The following RPS6KB1 variants were observed in gnomAD, a reference collection of about 807,000 sequenced individuals.
RPS6KB1 encodes ribosomal protein S6 kinase beta-1.
A neutral mutation model predicts 70.2 loss-of-function variants in RPS6KB1; 12 were observed. The ratio of observed to expected loss-of-function variants is 0.17; its 90% CI spans 0.11 to 0.28. The LOEUF (loss-of-function observed/expected upper bound fraction) is 0.28, where lower values mean the gene tolerates loss of function less well. RPS6KB1 is among the 10% of genes least tolerant of loss of function. RPS6KB1 has a pLI of 1.00. For missense variants in RPS6KB1, 270 were observed against 646.6 expected, an observed-to-expected ratio of 0.42 and a Z score of 6.32; for synonymous variants, 175 against 211.2, an observed-to-expected ratio of 0.83 and a Z score of 1.49.
Position 59,931,637 on chromosome 17 carries a change from A to G in RPS6KB1, c.603A>G (p.Glu201=). The change falls in exon 7 of 15, where the codon GAA becomes GAG. Residue 201 remains glutamate, a synonymous_variant. Coordinates refer to ENST00000225577, the MANE Select transcript of RPS6KB1 (RefSeq NM_003161.4). Reference sequence around the variant, plus strand: ...TTGTTTCCAGCTTTTACTTGGCAGAAATCTCCATGGCTTTGGGGCATTTAC... The same window carrying G: ...TTGTTTCCAGCTTTTACTTGGCAGAGATCTCCATGGCTTTGGGGCATTTAC... ...MEDTACFYLA[E]ISMALGHLHQ... 2 of 1,612,590 alleles carry G rather than the reference A, an allele frequency of 1.2e-6. No homozygotes were observed. The highest frequency in any genetic ancestry group is 1.7e-6 in the Non-Finnish European group (2 of 1,178,738).
chr17:59,935,095 C>G, intron 9 of RPS6KB1, 98 bp from the exon 10 acceptor site: 2 of 679,188 alleles, frequency 2.9e-6, no homozygotes, highest in South Asian at 3.9e-5. Flanking sequence ...CCATGTATAA[C>G]TAATTTAGGA....
At chr17:59,938,143 T>G (rs1475499089) in intron 12 of RPS6KB1, among the ~76,000 whole-genome samples, 1 of 151,024 alleles carries the variant, frequency 6.6e-6, no homozygotes, top group Non-Finnish European at 1.5e-5. Flanking sequence ...TAGTTGTTTT[T>G]TTTTTTTTTT....
chr17:59,914,721 T>A lies in RPS6KB1; in HGVS notation c.381+18T>A. On this transcript the variant is annotated intron_variant, in intron 4 of 14. Coordinates refer to ENST00000225577, the MANE Select transcript of RPS6KB1 (RefSeq NM_003161.4). ...TTAAAAAGGTGATTTCCACTCCCCC[T>A]TTTTAGTCCTCACACACCATATTTT... 6.5e-7 allele frequency: 1 copy of A among 1,547,678 alleles called. No homozygotes were observed. Among genetic ancestry groups the A allele is most frequent in the East Asian group, 2.3e-5 (1 of 44,420 alleles).
At chr17:59,925,452 A>G (rs1024616852) in intron 4 of RPS6KB1, among the ~76,000 whole-genome samples, 22 of 152,274 alleles carry the variant, frequency 1.4e-4, no homozygotes, top group South Asian at 4.2e-4. Context: ...TTCTTCTCAT[A>G]ACTAGTTTGT....
At chr17:59,939,125 A>G (rs957568548) in intron 12 of RPS6KB1, among the ~76,000 whole-genome samples, 8 of 152,060 alleles carry the variant, frequency 5.3e-5, no homozygotes. Flanking sequence ...ATTCTTTCCT[A>G]GTTTTCAAAA....
chr17:59,915,773 A>ATGTTTTT (rs1157185738), intron 4 of RPS6KB1, among the ~76,000 whole-genome samples: 1 of 86,220 alleles, frequency 1.2e-5, no homozygotes, highest in African/African-American at 6.7e-5. Context: ...GCCTACTGCT[A>ATGTTTTT]TCTTTTTTTT....
At chr17:59,922,362 C>A (rs2043316325) in intron 4 of RPS6KB1, among the ~76,000 whole-genome samples, 1 of 151,678 alleles carries the variant, frequency 6.6e-6, no homozygotes, top group South Asian at 2.1e-4. Context: ...TTGTAGTTAA[C>A]AAGTGATCTG....
chr17:59,937,780 A>G (rs539313433), intron 12 of RPS6KB1, among the ~76,000 whole-genome samples: 1 of 152,338 alleles, frequency 6.6e-6, no homozygotes, highest in African/African-American at 2.4e-5. Context: ...TAGAGGTTAG[A>G]ATTTCAATGT....
chr17:59,914,850 C>A (rs2042847001), intron 4 of RPS6KB1, 147 bp downstream of exon 4: 1 of 656,818 alleles, frequency 1.5e-6, no homozygotes, highest in Non-Finnish European at 2.7e-6. Flanking sequence ...TATCTCAAGC[C>A]AGGTACAGTG....
rs1364788734 is a variant in RPS6KB1 at position 59,948,202 on chromosome 17, G to C, written c.*1414G>C. ...TTTCTTAAATATTTCCTGCCTTAAA[G>C]AGAGCATTTCCATGACTTTAGCTGG... On this transcript the variant is annotated 3_prime_UTR_variant, in exon 15 of 15. Transcript: ENST00000225577. 6.6e-6 allele frequency: 1 copy of C among 152,618 alleles called. No homozygotes were observed. The highest frequency in any genetic ancestry group is 1.5e-5 in the Non-Finnish European group (1 of 68,054). 9.5% of individuals were successfully genotyped at this position (152,618 alleles called of 1,614,324 possible). A position where few individuals can be genotyped will look rare whatever the true frequency, so the allele number is the denominator to read the frequency against.
At chr17:59,925,779 T>A (rs1321996501) in intron 4 of RPS6KB1, among the ~76,000 whole-genome samples, 2 of 152,174 alleles carry the variant, frequency 1.3e-5, no homozygotes, top group Admixed American at 6.5e-5. Context: ...GCCTTTTTTT[T>A]ACCTTCTACA....
At chr17:59,939,375 G>A (rs1033484543) in intron 12 of RPS6KB1, among the ~76,000 whole-genome samples, 21 of 151,928 alleles carry the variant, frequency 1.4e-4, no homozygotes, top group African/African-American at 4.8e-4. Context: ...TTGACTTCCC[G>A]GCCTCCAGCA....
In RPS6KB1 at chr17:59,947,506, T is replaced by A; in HGVS notation, c.*718T>A. The A allele has an allele frequency of 6.6e-7, 1 of 1,515,672 alleles. No homozygotes were observed. The highest frequency in any genetic ancestry group is 1.3e-5 in the South Asian group (1 of 78,996). 93.9% of individuals were successfully genotyped at this position (1,515,672 alleles called of 1,614,324 possible). ...GAGGGATTGGGGTGGACCTGGGGTTTATTTTCAGTAACCCAGCTGCAATAC... is the reference window on the plus strand; with the variant it reads ...GAGGGATTGGGGTGGACCTGGGGTTAATTTTCAGTAACCCAGCTGCAATAC... On this transcript the variant is annotated 3_prime_UTR_variant, in exon 15 of 15. Transcript: ENST00000225577.
At chr17:59,903,679 T>G (rs941459254) in intron 1 of RPS6KB1, among the ~76,000 whole-genome samples, 16 of 152,090 alleles carry the variant, frequency 1.1e-4, no homozygotes, top group Admixed American at 7.2e-4. Context: ...TGTATGAGGG[T>G]TCCAGTTTCT....
chr17:59,896,919 A>T (rs1007273282), intron 1 of RPS6KB1, among the ~76,000 whole-genome samples: 1 of 151,842 alleles, frequency 6.6e-6, no homozygotes, highest in Admixed American at 6.6e-5. Context: ...CCTGAAATAA[A>T]AAAAAAAAAA....
intron 4 of RPS6KB1, among the ~76,000 whole-genome samples, chr17:59,915,785 T>TTTTA (rs1568429540): frequency 6.2e-5 from 6 of 97,254 alleles, no homozygotes; most frequent in Admixed American, 1.1e-4. Context: ...CTTTTTTTTT[T>TTTTA]TTTTTTTTTT....
chr17:59,941,790 C>T lies in RPS6KB1; in HGVS notation c.1227+847C>T, dbSNP rs542795215. Among the ~76,000 whole-genome samples the T allele has an allele frequency of 1.3e-4, 20 of 151,564 alleles. No homozygotes were observed. The East Asian group carries it at 3.1e-3, about 24-fold the overall frequency. On this transcript the variant is annotated intron_variant, in intron 13 of 14. Coordinates refer to ENST00000225577, the MANE Select transcript of RPS6KB1 (RefSeq NM_003161.4). ...CTGGGACTATAGGCGTGCGCCACCA[C>T]GCCCAGTTAATTTTTGTATTTTTAG... is the stretch of plus-strand genomic sequence containing the variant.
At chr17:59,913,491 G>T (rs1262860790) in intron 3 of RPS6KB1, among the ~76,000 whole-genome samples, 2 of 152,184 alleles carry the variant, frequency 1.3e-5, no homozygotes, top group Non-Finnish European at 2.9e-5. Flanking sequence ...CATCCTGAAT[G>T]TGCAACACAT....
intron 4 of RPS6KB1, among the ~76,000 whole-genome samples, chr17:59,917,160 C>G (rs2043006338): frequency 6.6e-6 from 1 of 152,118 alleles, no homozygotes; most frequent in Non-Finnish European, 1.5e-5. Flanking sequence ...GCCCTGTCAC[C>G]TAGACAGGAG....
Sources: allele counts gnomAD v4.1 joint callset (sites outside exome capture counted in the v4.1 genomes callset), GRCh38; gene constraint gnomAD v4.1.1; transcripts MANE v1.5; gene names NCBI Gene and HGNC (gene_info 2026-07-23, HGNC 2026-07-21).